The following CLVS2 variants were observed in gnomAD, a reference collection of about 807,000 sequenced individuals.
The protein encoded by CLVS2 is clavesin 2.
Under a neutral mutation model 29.0 loss-of-function variants are expected in CLVS2, and 19 were observed. The ratio of observed to expected loss-of-function variants is 0.66; its 90% CI spans 0.46 to 0.96. The LOEUF is 0.96. CLVS2 is among the 40% of genes least tolerant of loss of function. The probability of loss-of-function intolerance (pLI) is 0.00; values close to 1 mark genes in which losing one functional copy is unlikely to be tolerated. For missense variants in CLVS2, 294 were observed against 404.1 expected (o/e 0.73, Z 2.34); for synonymous variants, 161 against 151.3 (o/e 1.06, Z -0.47).
Position 123,026,089 on chromosome 6 carries a change from C to T in CLVS2, c.564+14930C>T, listed in dbSNP as rs531986725. Among the ~76,000 whole-genome samples the T allele has an allele frequency of 1.3e-3, 197 of 152,104 alleles. 3 individuals are homozygous for T. The highest frequency in any genetic ancestry group is 4.6e-3 in the African/African-American group (189 of 41,508). ...GAGACAGATTTCTATGAAGGATGAT[C>T]TTTCCATGTTAAGAGTAATATTTGC... On this transcript the variant is annotated intron_variant, in intron 3 of 5. Coordinates refer to ENST00000275162, the MANE Select transcript of CLVS2 (RefSeq NM_001010852.4).
At chr6:123,047,533 C>T (rs906830264) in intron 3 of CLVS2, among the ~76,000 whole-genome samples, 2 of 152,028 alleles carry the variant, frequency 1.3e-5, no homozygotes, top group Non-Finnish European at 2.9e-5. Context: ...CACTACTGCT[C>T]GTAAGTGTCC....
rs891004108 is a variant in CLVS2 at position 123,072,528 on chromosome 6, T to A, written c.*8767T>A. ...GAATTTCCTTATGTTTCTTAATATT[T>A]GATCCTTGATAGTCTGTACAGTGGA... On this transcript the variant is annotated 3_prime_UTR_variant, in exon 6 of 6. Transcript: ENST00000275162. The A allele has an allele frequency of 8.5e-5, 13 of 152,138 alleles. No homozygotes were observed. The highest frequency in any genetic ancestry group is 2.9e-4 in the African/African-American group (12 of 41,458). 9.4% of individuals were successfully genotyped at this position (152,138 alleles called of 1,614,324 possible). A position where few individuals can be genotyped will look rare whatever the true frequency, so the allele number is the denominator to read the frequency against.
chr6:123,045,998 T>G (rs1772501655), intron 3 of CLVS2, among the ~76,000 whole-genome samples: 1 of 152,184 alleles, frequency 6.6e-6, no homozygotes, highest in Non-Finnish European at 1.5e-5. Flanking sequence ...TAAAACAGTA[T>G]GTTGACTACA....
intron 5 of CLVS2, among the ~76,000 whole-genome samples, chr6:123,057,411 A>G (rs1381639213): frequency 1.5e-5 from 2 of 137,714 alleles, no homozygotes; most frequent in East Asian, 4.2e-4. Context: ...CAATGGCGCG[A>G]TCATGATTCA....
intron 4 of CLVS2, among the ~76,000 whole-genome samples, chr6:123,052,270 T>G (rs1285153508): frequency 2.0e-5 from 3 of 152,058 alleles, no homozygotes; most frequent in African/African-American, 7.2e-5. Flanking sequence ...TAAGAAGAGA[T>G]GTGCAGGATG....
rs190566540 is a variant in CLVS2 at position 123,032,873 on chromosome 6, G to A, written c.565-15749G>A. Among the ~76,000 whole-genome samples, 717 of 152,190 alleles carry A rather than the reference G, an allele frequency of 4.7e-3. 4 individuals carry two copies. Among genetic ancestry groups the A allele is most frequent in the African/African-American group, 0.016 (655 of 41,556 alleles). On this transcript the variant is annotated intron_variant, in intron 3 of 5. Transcript: ENST00000275162. ...TCAGTTTCTTCAGGTATGAAATTAA[G>A]ATCATACAATGACAGGTTTGTCCAA...
chr6:123,036,957 C>T (rs1244965469), intron 3 of CLVS2, among the ~76,000 whole-genome samples: 1 of 152,100 alleles, frequency 6.6e-6, no homozygotes, highest in Non-Finnish European at 1.5e-5. Flanking sequence ...TGATATTGGT[C>T]AATAACTTAA....
chr6:123,048,198 T>C (rs1337597544), intron 3 of CLVS2, among the ~76,000 whole-genome samples: 1 of 151,958 alleles, frequency 6.6e-6, no homozygotes, highest in Non-Finnish European at 1.5e-5. Flanking sequence ...GATGACTAGA[T>C]AGGGATTTAA....
chr6:123,013,139 C>G (rs767784280), intron 3 of CLVS2, among the ~76,000 whole-genome samples: 6 of 152,020 alleles, frequency 3.9e-5, no homozygotes, highest in Non-Finnish European at 5.9e-5. Context: ...TGAAGTAACA[C>G]TTTCTGACTT....
chr6:123,033,237 T>A (rs1401146327), intron 3 of CLVS2, among the ~76,000 whole-genome samples: 1 of 152,064 alleles, frequency 6.6e-6, no homozygotes, highest in African/African-American at 2.4e-5. Flanking sequence ...GAGAACAACA[T>A]AAGATTATAT....
intron 3 of CLVS2, among the ~76,000 whole-genome samples, chr6:123,035,725 G>C (rs1416222279): frequency 1.3e-5 from 2 of 152,032 alleles, no homozygotes; most frequent in South Asian, 2.1e-4. Context: ...AGGTATCAAG[G>C]GTGGGTGGAA....
At chr6:123,050,031 A>T (rs1772582001) in intron 4 of CLVS2, among the ~76,000 whole-genome samples, 2 of 152,180 alleles carry the variant, frequency 1.3e-5, no homozygotes, top group Admixed American at 1.3e-4. Context: ...CGCTCCTGAA[A>T]ATACAATAAT....
At position 123,013,638 on chromosome 6, in the gene CLVS2, T is replaced by C. The variant is rs557376156; in HGVS notation, c.564+2479T>C. ...ATCCACATCATAAACCTACTTATTT[T>C]TTTGCATTTTATTTTATTTTTTTAT... On this transcript the variant is annotated intron_variant, in intron 3 of 5. Coordinates refer to ENST00000275162, the MANE Select transcript of CLVS2 (RefSeq NM_001010852.4). Among the ~76,000 whole-genome samples, 3 of 151,756 alleles carry C rather than the reference T, an allele frequency of 2.0e-5. No individual in the cohort carries two copies. The South Asian group carries it at 6.2e-4, about 31-fold the overall frequency.
chr6:123,038,704 T>C (rs1188315097), intron 3 of CLVS2, among the ~76,000 whole-genome samples: 2 of 152,178 alleles, frequency 1.3e-5, no homozygotes, highest in African/African-American at 2.4e-5. Flanking sequence ...TATTGATTTT[T>C]TTTTCTTTTG....
chr6:122,997,601 G>T lies in CLVS2; in HGVS notation c.-177G>T. On this transcript the variant is annotated 5_prime_UTR_variant, in exon 2 of 6. Transcript: ENST00000275162. ...CCCCCGGCCCCCCCAGCTTTGCTGG[G>T]GGAAAGCAGGAGCAACAGGGCACTT... is the stretch of plus-strand genomic sequence containing the variant. The T allele has an allele frequency of 1.5e-6, 1 of 648,592 alleles. No homozygotes were observed. Among genetic ancestry groups the T allele is most frequent in the Non-Finnish European group, 2.7e-6 (1 of 375,616 alleles). 40.2% of individuals were successfully genotyped at this position (648,592 alleles called of 1,614,324 possible).
chr6:123,068,272 A>G lies in CLVS2; in HGVS notation c.*4511A>G, dbSNP rs1035159246. Reference sequence around the variant, plus strand: ...TAATTATAGGAGTTAAATATAATCAATGCACTCATGGTAAATAATGGAAAT... The same window carrying G: ...TAATTATAGGAGTTAAATATAATCAGTGCACTCATGGTAAATAATGGAAAT... On this transcript the variant is annotated 3_prime_UTR_variant, in exon 6 of 6. Transcript: ENST00000275162. The G allele has an allele frequency of 2.0e-5, 3 of 151,686 alleles. No individual in the cohort carries two copies. Among genetic ancestry groups the G allele is most frequent in the African/African-American group, 7.2e-5 (3 of 41,412 alleles). The allele number at this position is 151,686 out of a possible 1,614,324, so 9.4% of individuals were successfully genotyped here. A position where few individuals can be genotyped will look rare whatever the true frequency, so the allele number is the denominator to read the frequency against.
intron 3 of CLVS2, among the ~76,000 whole-genome samples, chr6:123,045,264 G>C (rs775293226): frequency 1.4e-4 from 21 of 152,066 alleles, no homozygotes; most frequent in Non-Finnish European, 2.9e-4. Context: ...GATAGTTCAA[G>C]AACAAACGGA....
At position 122,996,725 on chromosome 6, in the gene CLVS2, G is replaced by C. The variant is rs1021715203; in HGVS notation, c.-581G>C. 6.0e-6 allele frequency: 1 copy of C among 166,898 alleles called. No homozygotes were observed. The highest frequency in any genetic ancestry group is 2.4e-5 in the African/African-American group (1 of 41,472). The allele number at this position is 166,898 out of a possible 1,614,324, so 10.3% of individuals were successfully genotyped here. A position where few individuals can be genotyped will look rare whatever the true frequency, so the allele number is the denominator to read the frequency against. ...GCCAGGGAGTGCCGCATTGCTTAGCGACCCCGCCTCTGGGTTTGCTGGTAG... is the reference window on the plus strand; with the variant it reads ...GCCAGGGAGTGCCGCATTGCTTAGCCACCCCGCCTCTGGGTTTGCTGGTAG... On this transcript the variant is annotated 5_prime_UTR_variant, in exon 1 of 6. Coordinates refer to ENST00000275162, the MANE Select transcript of CLVS2 (RefSeq NM_001010852.4).
Position 123,064,899 on chromosome 6 carries a change from A to G in CLVS2, c.*1138A>G, listed in dbSNP as rs1266996307. On this transcript the variant is annotated 3_prime_UTR_variant, in exon 6 of 6. Transcript: ENST00000275162. ...CCAAGTTAATTTATAATGCAATCTT[A>G]CATATGTGCCATCTTATTTGAACTA... 6.6e-6 allele frequency: 1 copy of G among 151,902 alleles called. No individual in the cohort carries two copies. The highest frequency in any genetic ancestry group is 2.4e-5 in the African/African-American group (1 of 41,430). 9.4% of individuals were successfully genotyped at this position (151,902 alleles called of 1,614,324 possible).
Sources: allele counts gnomAD v4.1 joint callset (sites outside exome capture counted in the v4.1 genomes callset), GRCh38; gene constraint gnomAD v4.1.1; transcripts MANE v1.5; gene names NCBI Gene and HGNC (gene_info 2026-07-23, HGNC 2026-07-21).